FAM168A: variants seen among roughly 807,000 people sequenced by gnomAD.
The protein encoded by FAM168A is protein FAM168A.
FAM168A carries 3 observed loss-of-function variants against 28.5 expected under a neutral mutation model. That is an observed-to-expected ratio of 0.11 (90% CI 0.05 to 0.27). The LOEUF (loss-of-function observed/expected upper bound fraction) is 0.27. Ranked by LOEUF, FAM168A falls within the 10% of genes least tolerant of loss-of-function variation. The probability of loss-of-function intolerance (pLI) is 1.00; values close to 1 mark genes in which losing one functional copy is unlikely to be tolerated. For missense variants in FAM168A, 222 were observed against 311.5 expected, an observed-to-expected ratio of 0.71 and a Z score of 2.16; for synonymous variants, 122 against 124.2, an observed-to-expected ratio of 0.98 and a Z score of 0.12.
intron 1 of FAM168A, among the ~76,000 whole-genome samples, chr11:73,551,098 G>A (rs1467458579): frequency 4.1e-5 from 6 of 147,014 alleles, no homozygotes; most frequent in East Asian, 2.0e-4. Flanking sequence ...GTGACAGAGC[G>A]AGACTCTGTC....
chr11:73,493,251 G>A (rs979349105), intron 1 of FAM168A, among the ~76,000 whole-genome samples: 2 of 152,140 alleles, frequency 1.3e-5, no homozygotes, highest in African/African-American at 4.8e-5. Flanking sequence ...TGAACTCATA[G>A]TTCCAAATAA....
chr11:73,476,721 T>C (rs1342511362), intron 1 of FAM168A, among the ~76,000 whole-genome samples: 4 of 152,056 alleles, frequency 2.6e-5, no homozygotes, highest in African/African-American at 4.8e-5. Context: ...AATTAAAGTA[T>C]GATAATAACT....
intron 1 of FAM168A, among the ~76,000 whole-genome samples, chr11:73,513,784 A>G (rs1332207128): frequency 6.6e-6 from 1 of 152,210 alleles, no homozygotes; most frequent in East Asian, 1.9e-4. Context: ...CCTGTCTAAT[A>G]TAACAAAAAA....
chr11:73,478,818 C>T (rs1314115621), intron 1 of FAM168A, among the ~76,000 whole-genome samples: 1 of 152,042 alleles, frequency 6.6e-6, no homozygotes, highest in Non-Finnish European at 1.5e-5. Context: ...GGGAAACAGC[C>T]TTGGAATTAA....
intron 2 of FAM168A, among the ~76,000 whole-genome samples, chr11:73,461,276 C>T (rs1266703216): frequency 1.1e-4 from 17 of 152,060 alleles, no homozygotes. Context: ...GCCACCACAC[C>T]CAGCTAATTT....
At chr11:73,432,432 C>A (rs184109338) in intron 2 of FAM168A, among the ~76,000 whole-genome samples, 101 of 151,732 alleles carry the variant, frequency 6.7e-4, no homozygotes, top group African/African-American at 2.4e-3. Context: ...TCCTCAACAA[C>A]CCTTGTTTTA....
rs1866403545 is a variant in FAM168A, at chr11:73,401,262, T to C, written c.*5501A>G. Reference sequence around the variant, plus strand: ...CATGCCATGAGAACAGGTTTCTCTGTCATGTGATATGAAACAGGGAAGCAG... The same window carrying C: ...CATGCCATGAGAACAGGTTTCTCTGCCATGTGATATGAAACAGGGAAGCAG... On this transcript the variant is annotated 3_prime_UTR_variant, in exon 8 of 8. Coordinates refer to ENST00000356467, the MANE Select transcript of FAM168A (RefSeq NM_015159.3). 1 of 152,202 alleles carries C rather than the reference T, an allele frequency of 6.6e-6. No homozygotes were observed. The highest frequency in any genetic ancestry group is 1.5e-5 in the Non-Finnish European group (1 of 68,042). The allele number at this position is 152,202 out of a possible 1,614,324, so 9.4% of individuals were successfully genotyped here. A position where few individuals can be genotyped will look rare whatever the true frequency, so the allele number is the denominator to read the frequency against.
Position 73,408,490 on chromosome 11 carries a change from G to A in FAM168A, c.596-847C>T, listed in dbSNP as rs143849765. Among the ~76,000 whole-genome samples, 242 of 152,148 alleles carry A rather than the reference G, an allele frequency of 1.6e-3. 1 individual carries two copies. Among genetic ancestry groups the A allele is most frequent in the African/African-American group, 5.6e-3 (231 of 41,512 alleles). ...ATCCTAGCTGGTTCTTTAAAAGTTGGGTCTCTAGGCTAGGCATAATGGCTT... is the reference window on the plus strand; with the variant it reads ...ATCCTAGCTGGTTCTTTAAAAGTTGAGTCTCTAGGCTAGGCATAATGGCTT... On this transcript the variant is annotated intron_variant, in intron 6 of 7. Coordinates refer to ENST00000356467, the MANE Select transcript of FAM168A (RefSeq NM_015159.3).
At chr11:73,569,694 C>T (rs1590737587) in intron 1 of FAM168A, among the ~76,000 whole-genome samples, 1 of 151,998 alleles carries the variant, frequency 6.6e-6, no homozygotes, top group Non-Finnish European at 1.5e-5. Flanking sequence ...TGGTGATGCG[C>T]ACCTGTGGTC....
intron 2 of FAM168A, among the ~76,000 whole-genome samples, chr11:73,432,098 A>G (rs1034932967): frequency 6.6e-6 from 1 of 152,238 alleles, no homozygotes; most frequent in African/African-American, 2.4e-5. Context: ...TGTAACATGT[A>G]CCAAAACTTC....
intron 4 of FAM168A, 49 bp from the exon 5 acceptor site, chr11:73,411,585 T>C (rs533431460): frequency 7.5e-6 from 12 of 1,607,032 alleles, no homozygotes; most frequent in South Asian, 4.4e-5. Flanking sequence ...CAGAAAAGCA[T>C]TGCTAGAAGG....
In FAM168A at chr11:73,544,916, T is replaced by C. The variant is rs1230912113; in HGVS notation, c.-19+53007A>G. The stretch of plus-strand genomic sequence containing the variant: ...ATAAAATATATTATATAATATATAT[T>C]ATATATAATATAAAATATATTATGT... On this transcript the variant is annotated intron_variant, in intron 1 of 7. Coordinates refer to ENST00000356467, the MANE Select transcript of FAM168A (RefSeq NM_015159.3). Among the ~76,000 whole-genome samples, 7 of 93,090 alleles carry C rather than the reference T, an allele frequency of 7.5e-5. No individual in the cohort carries two copies. In the South Asian group the frequency reaches 9.9e-4, roughly 13 times the overall value. 61.1% of individuals were successfully genotyped at this position (93,090 alleles called of 152,430 possible).
At chr11:73,551,110 C>CAAAA (rs199595702) in intron 1 of FAM168A, among the ~76,000 whole-genome samples, 1 of 77,054 alleles carries the variant, frequency 1.3e-5, no homozygotes, top group Non-Finnish European at 3.0e-5. Context: ...GACTCTGTCT[C>CAAAA]AAAAAAAAAA....
At chr11:73,430,835 CAAAA>C in intron 2 of FAM168A, 65 bp from the exon 3 acceptor site, 2 of 1,310,322 alleles carry the variant, frequency 1.5e-6, no homozygotes, top group South Asian at 1.4e-5. Context: ...CAAAACAAAA[CAAAA>C]AAACACCCAG....
intron 3 of FAM168A, among the ~76,000 whole-genome samples, chr11:73,422,037 G>A (rs1021128775): frequency 2.0e-5 from 3 of 152,088 alleles, no homozygotes; most frequent in Non-Finnish European, 4.4e-5. Flanking sequence ...TCCAAAGAGT[G>A]ACTGAGGTCT....
At chr11:73,409,099 C>G (rs1186595664) in intron 6 of FAM168A, among the ~76,000 whole-genome samples, 2 of 152,238 alleles carry the variant, frequency 1.3e-5, no homozygotes, top group Non-Finnish European at 1.5e-5. Context: ...AACAGAGGTA[C>G]CACAAGGTAT....
chr11:73,420,305 T>C (rs139937620), intron 3 of FAM168A, among the ~76,000 whole-genome samples: 170 of 152,368 alleles, frequency 1.1e-3, no homozygotes, highest in Non-Finnish European at 2.0e-3. Flanking sequence ...CACTGTGGCC[T>C]AGGGCTCTGG....
Position 73,469,862 on chromosome 11 carries a change from C to T in FAM168A, c.-18-1370G>A, listed in dbSNP as rs569958746. On this transcript the variant is annotated intron_variant, in intron 1 of 7. Transcript: ENST00000356467. ...TCTCTCTAAATAAAAGCACTCTCCTCGCAGAGTATTGAGACATTAATAATG... is the reference window on the plus strand; with the variant it reads ...TCTCTCTAAATAAAAGCACTCTCCTTGCAGAGTATTGAGACATTAATAATG... 1.2e-4 allele frequency among the ~76,000 whole-genome samples: 18 copies of T among 152,270 alleles called. No homozygotes were observed. In the South Asian group the frequency reaches 2.9e-3, roughly 25 times the overall value.
chr11:73,471,204 G>T (rs930058357), intron 1 of FAM168A, among the ~76,000 whole-genome samples: 6 of 152,178 alleles, frequency 3.9e-5, no homozygotes, highest in Non-Finnish European at 8.8e-5. Context: ...GGCTAAAAAT[G>T]AGTAGGAAGA....
Sources: gnomAD v4.1 joint callset for allele counts (sites outside exome capture counted in the v4.1 genomes callset) on GRCh38, gnomAD v4.1.1 for gene constraint, MANE v1.5 for transcripts, NCBI Gene and HGNC (gene_info 2026-07-23, HGNC 2026-07-21) for gene names.